The following GRM3 variants were observed in gnomAD, a reference collection of about 807,000 sequenced individuals.
GRM3 encodes metabotropic glutamate receptor 3.
GRM3 carries 26 observed loss-of-function variants against 70.5 expected under a neutral mutation model. The ratio of observed to expected loss-of-function variants is 0.37; its 90% CI spans 0.27 to 0.51. GRM3 has a LOEUF of 0.51. GRM3 is among the 20% of genes least tolerant of loss of function. GRM3 has a pLI of 0.93. For missense variants in GRM3, 859 were observed against 1,123.8 expected (o/e 0.76, Z 3.37); for synonymous variants, 443 against 434.9 (o/e 1.02, Z -0.23).
chr7:86,822,297 C>T (rs1798138688), intron 3 of GRM3, among the ~76,000 whole-genome samples: 1 of 151,644 alleles, frequency 6.6e-6, no homozygotes, highest in Non-Finnish European at 1.5e-5. Flanking sequence ...AAGGAGTTTA[C>T]AATATAGTGA....
intron 1 of GRM3, among the ~76,000 whole-genome samples, chr7:86,681,996 C>T (rs1794453416): frequency 6.6e-6 from 1 of 152,154 alleles, no homozygotes; most frequent in Non-Finnish European, 1.5e-5. Flanking sequence ...GTATATACCC[C>T]ACACTTTCAG....
intron 1 of GRM3, among the ~76,000 whole-genome samples, chr7:86,661,290 A>T (rs959759495): frequency 2.0e-5 from 3 of 152,010 alleles, no homozygotes; most frequent in Non-Finnish European, 4.4e-5. Context: ...ATGCACTGGG[A>T]GTAGGCTACT....
intron 2 of GRM3, among the ~76,000 whole-genome samples, chr7:86,781,478 CTG>C (rs1797059111): frequency 6.6e-6 from 1 of 152,026 alleles, no homozygotes; most frequent in Non-Finnish European, 1.5e-5. Flanking sequence ...CTTTCTTCAC[CTG>C]TGTAATTTTA....
At chr7:86,686,514 G>A (rs1353407416) in intron 1 of GRM3, among the ~76,000 whole-genome samples, 1 of 152,186 alleles carries the variant, frequency 6.6e-6, no homozygotes, top group Non-Finnish European at 1.5e-5. Context: ...GTATTTGAGT[G>A]CCTCAAAATT....
At chr7:86,706,686 G>A (rs905122543) in intron 1 of GRM3, among the ~76,000 whole-genome samples, 22 of 152,108 alleles carry the variant, frequency 1.4e-4, no homozygotes, top group Admixed American at 1.4e-3. Flanking sequence ...AGGGAGAGAG[G>A]AGAGGTTACT....
chr7:86,777,971 G>T (rs1796937305), intron 2 of GRM3, among the ~76,000 whole-genome samples: 1 of 152,172 alleles, frequency 6.6e-6, no homozygotes, highest in Non-Finnish European at 1.5e-5. Flanking sequence ...GGTTCAAAGT[G>T]CAGCAACTCA....
chr7:86,805,633 T>C (rs1797774564), intron 3 of GRM3, among the ~76,000 whole-genome samples: 1 of 152,238 alleles, frequency 6.6e-6, no homozygotes, highest in Admixed American at 6.5e-5. Context: ...ATCTTTTCAC[T>C]GTCTCCACAG....
intron 1 of GRM3, among the ~76,000 whole-genome samples, chr7:86,738,108 G>A (rs747327802): frequency 2.0e-5 from 3 of 152,058 alleles, no homozygotes; most frequent in African/African-American, 7.3e-5. Context: ...GGAAGGGGCT[G>A]TGTATTTATT....
chr7:86,859,806 A>C (rs1207613876), intron 5 of GRM3, among the ~76,000 whole-genome samples: 1 of 152,158 alleles, frequency 6.6e-6, no homozygotes, highest in African/African-American at 2.4e-5. Context: ...AAAATACAAT[A>C]ATTTTCTCCA....
At chr7:86,806,269 T>C (rs1275232498) in intron 3 of GRM3, among the ~76,000 whole-genome samples, 1 of 152,196 alleles carries the variant, frequency 6.6e-6, no homozygotes, top group Non-Finnish European at 1.5e-5. Flanking sequence ...TACCCAGTAA[T>C]GTGATGGCTG....
At chr7:86,725,702 G>A (rs1378679135) in intron 1 of GRM3, among the ~76,000 whole-genome samples, 1 of 152,120 alleles carries the variant, frequency 6.6e-6, no homozygotes, top group East Asian at 1.9e-4. Context: ...TCTCTTAGTT[G>A]GCTTGGGCTG....
At chr7:86,787,871 A>G (rs142463762) in intron 3 of GRM3, among the ~76,000 whole-genome samples, 1 of 152,344 alleles carries the variant, frequency 6.6e-6, no homozygotes, top group African/African-American at 2.4e-5. Context: ...TACAGTCTAA[A>G]TATTTCTCTA....
intron 1 of GRM3, among the ~76,000 whole-genome samples, chr7:86,677,621 T>C (rs980934211): frequency 3.3e-5 from 5 of 152,052 alleles, no homozygotes; most frequent in East Asian, 1.9e-4. Context: ...CTAAAACTTA[T>C]TAGTTTCAAT....
intron 1 of GRM3, among the ~76,000 whole-genome samples, chr7:86,676,111 TC>T (rs950915483): frequency 3.9e-5 from 6 of 151,962 alleles, no homozygotes; most frequent in African/African-American, 1.4e-4. Context: ...GGCTTTTTTT[TC>T]CCCTCAAGCT....
chr7:86,671,770 C>T (rs1794179015), intron 1 of GRM3, among the ~76,000 whole-genome samples: 1 of 152,124 alleles, frequency 6.6e-6, no homozygotes, highest in East Asian at 1.9e-4. Flanking sequence ...CTGCTTTGAC[C>T]TCACTTCATT....
chr7:86,692,344 C>A (rs1166473826), intron 1 of GRM3, among the ~76,000 whole-genome samples: 1 of 152,300 alleles, frequency 6.6e-6, no homozygotes, highest in East Asian at 1.9e-4. Context: ...TTAACCATCT[C>A]TTTGACTCTC....
chr7:86,858,652 T>C (rs908252588), intron 5 of GRM3, among the ~76,000 whole-genome samples: 3 of 152,226 alleles, frequency 2.0e-5, no homozygotes, highest in African/African-American at 7.2e-5. Flanking sequence ...TAGTAAGTGA[T>C]ATTCTGTCAC....
intron 1 of GRM3, among the ~76,000 whole-genome samples, chr7:86,728,809 T>C (rs537521131): frequency 2.0e-5 from 3 of 152,206 alleles, no homozygotes; most frequent in Non-Finnish European, 4.4e-5. Context: ...GTAACTGCAA[T>C]GAAGTCAAAG....
chr7:86,700,703 T>C (rs1794928073), intron 1 of GRM3, among the ~76,000 whole-genome samples: 1 of 151,872 alleles, frequency 6.6e-6, no homozygotes, highest in African/African-American at 2.4e-5. Flanking sequence ...CATATCAGGA[T>C]CCTATTCCTG....
Sources: gnomAD v4.1 joint callset for allele counts (sites outside exome capture counted in the v4.1 genomes callset) on GRCh38, gnomAD v4.1.1 for gene constraint, MANE v1.5 for transcripts, NCBI Gene and HGNC (gene_info 2026-07-23, HGNC 2026-07-21) for gene names.